PCDHGA8: variants seen among roughly 807,000 people sequenced by gnomAD.
PCDHGA8 encodes the protein protocadherin gamma-A8.
A neutral mutation model predicts 59.2 loss-of-function variants in PCDHGA8; 45 were observed. That is an observed-to-expected ratio of 0.76 (90% CI 0.60 to 0.98). PCDHGA8 has a LOEUF of 0.98. PCDHGA8 is among the 50% of genes least tolerant of loss of function. The probability of loss-of-function intolerance (pLI) is 0.00; values close to 1 mark genes in which losing one functional copy is unlikely to be tolerated. For missense variants in PCDHGA8, 1,257 were observed against 1,196.2 expected (o/e 1.05, Z -0.75); for synonymous variants, 531 against 519.0 (o/e 1.02, Z -0.32).
At position 141,505,479 on chromosome 5, in the gene PCDHGA8, G is replaced by A; in HGVS notation, c.2570G>A (p.Ser857Asn). 1 of 1,614,228 alleles carries A rather than the reference G, an allele frequency of 6.2e-7. No homozygotes were observed. The highest frequency in any genetic ancestry group is 8.5e-7 in the Non-Finnish European group (1 of 1,180,018). Residue 857 changes from serine to asparagine, a missense_variant and splice_region_variant, in exon 3 of 4, where the codon AGT (serine) becomes AAT (asparagine). Ser to Asn is a conservative substitution (Grantham distance 46, BLOSUM62 1). Coordinates refer to ENST00000398604, the MANE Select transcript of PCDHGA8 (RefSeq NM_032088.2). Reference sequence around the variant, plus strand: ...CAAGCCATGATCTTGGCGTCCGCCAGTGGTAAGTGGTGTCAGTGTGTGTAT... The same window carrying A: ...CAAGCCATGATCTTGGCGTCCGCCAATGGTAAGTGGTGTCAGTGTGTGTAT... Reference protein sequence around the residue: ...MLQAMILASASEAADGSSTLG... With the variant: ...MLQAMILASANEAADGSSTLG...
intron 1 of PCDHGA8, chr5:141,415,543 G>A (rs1561758242): frequency 6.2e-7 from 1 of 1,614,130 alleles, no homozygotes; most frequent in East Asian, 2.2e-5. Context: ...GGAGAGCTGT[G>A]AGAAAAACGA....
intron 1 of PCDHGA8, among the ~76,000 whole-genome samples, chr5:141,401,424 T>G (rs1408860840): frequency 6.6e-6 from 1 of 152,170 alleles, no homozygotes; most frequent in Non-Finnish European, 1.5e-5. Flanking sequence ...AGAGACTGAT[T>G]CACTGAACTT....
At chr5:141,406,544 T>A (rs1254762260) in intron 1 of PCDHGA8, among the ~76,000 whole-genome samples, 1 of 152,222 alleles carries the variant, frequency 6.6e-6, no homozygotes, top group Non-Finnish European at 1.5e-5. Context: ...AGATTCAAAC[T>A]TCAGTTATCC....
chr5:141,509,825 C>A (rs1057042581), intron 3 of PCDHGA8, among the ~76,000 whole-genome samples: 18 of 152,222 alleles, frequency 1.2e-4, no homozygotes, highest in African/African-American at 1.2e-4. Context: ...TCTCCATCTT[C>A]TCTCTACCTC....
chr5:141,443,317 C>CAAA (rs35054295), intron 1 of PCDHGA8, among the ~76,000 whole-genome samples: 8 of 142,020 alleles, frequency 5.6e-5, no homozygotes, highest in African/African-American at 2.1e-4. Context: ...CCCATCTCTA[C>CAAA]AAAAAAAAAA....
chr5:141,420,337 A>G, intron 1 of PCDHGA8: 8 of 1,402,708 alleles, frequency 5.7e-6, no homozygotes, highest in Non-Finnish European at 7.6e-6. Flanking sequence ...ATTCCAATAT[A>G]GTGGTATTAT....
intron 1 of PCDHGA8, chr5:141,433,208 C>CT (rs745329085): frequency 0.022 from 27,155 of 1,216,152 alleles, no homozygotes; most frequent in Non-Finnish European, 0.026. Flanking sequence ...AATCTTCTTT[C>CT]TTTTTTTTTT....
At chr5:141,418,328 G>A (rs1298044571) in intron 1 of PCDHGA8, 1 of 1,614,002 alleles carries the variant, frequency 6.2e-7, no homozygotes, top group Non-Finnish European at 8.5e-7. Flanking sequence ...TCTTGAGTCT[G>A]CAGAAGATCC....
At chr5:141,494,075 C>T (rs1482844644) in intron 1 of PCDHGA8, among the ~76,000 whole-genome samples, 7 of 152,322 alleles carry the variant, frequency 4.6e-5, no homozygotes, top group East Asian at 1.9e-4. Context: ...GATCCCTCCC[C>T]GCTGCATCCC....
chr5:141,476,421 C>G lies in PCDHGA8; in HGVS notation c.2425-18386C>G. 1 of 1,614,026 alleles carries G rather than the reference C, an allele frequency of 6.2e-7. No homozygotes were observed. Among genetic ancestry groups the G allele is most frequent in the South Asian group, 1.1e-5 (1 of 91,066 alleles). On this transcript the variant is annotated intron_variant, in intron 1 of 3. Transcript: ENST00000398604. The surrounding 1 kb of genome is among the most constrained non-coding windows in gnomAD (Gnocchi z 7.6). ...CGAGAGGAGCTGTGTGGGACACTGC[C>G]CTCTTGCACTGTAACTCTGGAGTTG...
rs1305419943 is a variant in PCDHGA8, at chr5:141,438,625, T to C, written c.2424+43388T>C. Among the ~76,000 whole-genome samples the C allele has an allele frequency of 9.7e-4, 45 of 46,410 alleles. 2 individuals are homozygous for C. Among genetic ancestry groups the C allele is most frequent in the Admixed American group, 2.2e-3 (7 of 3,192 alleles). The allele number at this position is 46,410 out of a possible 152,430, so 30.4% of individuals were successfully genotyped here. On this transcript the variant is annotated intron_variant, in intron 1 of 3. Coordinates refer to ENST00000398604, the MANE Select transcript of PCDHGA8 (RefSeq NM_032088.2). The stretch of plus-strand genomic sequence containing the variant: ...ATATATATATATATATATATATATA[T>C]ATATATATATACACACACACACACA...
chr5:141,410,569 T>C (rs908906606), intron 1 of PCDHGA8: 1 of 1,612,242 alleles, frequency 6.2e-7, no homozygotes, highest in African/African-American at 1.3e-5. Context: ...GAGCCTTAAT[T>C]CCACCTCATG....
In PCDHGA8 at chr5:141,493,269, C is replaced by T. The variant is rs142898207; in HGVS notation, c.2425-1538C>T. ...ACATGCCTCTCTTATAACAGCTTCA[C>T]AGAGGTCAAGTGACTTGCTCAAGTT... is the stretch of plus-strand genomic sequence containing the variant. On this transcript the variant is annotated intron_variant, in intron 1 of 3. Coordinates refer to ENST00000398604, the MANE Select transcript of PCDHGA8 (RefSeq NM_032088.2). This position sits in a 1 kb window ranked among gnomAD's most constrained non-coding sequence, Gnocchi z 4.3. Among the ~76,000 whole-genome samples the T allele has an allele frequency of 1.3e-5, 2 of 152,322 alleles. No individual in the cohort carries two copies. The highest frequency in any genetic ancestry group is 4.8e-5 in the African/African-American group (2 of 41,570).
Position 141,491,944 on chromosome 5 carries a change from C to A in PCDHGA8, c.2425-2863C>A. On this transcript the variant is annotated intron_variant, in intron 1 of 3. Transcript: ENST00000398604. This position sits in a 1 kb window ranked among gnomAD's most constrained non-coding sequence, Gnocchi z 6.9. ...CGAGGGGAGGTGGGACCGACCCCCA[C>A]CCCTACACTCAAAAAAGGCCGGGGC... 2 of 1,120,270 alleles carry A rather than the reference C, an allele frequency of 1.8e-6. No individual in the cohort carries two copies. Among genetic ancestry groups the A allele is most frequent in the Non-Finnish European group, 2.4e-6 (2 of 822,060 alleles). The allele number at this position is 1,120,270 out of a possible 1,614,324, so 69.4% of individuals were successfully genotyped here.
In PCDHGA8 at chr5:141,505,496, T is replaced by C; in HGVS notation, c.2572+15T>C. 6.2e-7 allele frequency: 1 copy of C among 1,614,148 alleles called. No homozygotes were observed. The highest frequency in any genetic ancestry group is 8.5e-7 in the Non-Finnish European group (1 of 1,180,004). ...GTCCGCCAGTGGTAAGTGGTGTCAGTGTGTGTATGGAAGAGTGGGAGACCT... is the reference window on the plus strand; with the variant it reads ...GTCCGCCAGTGGTAAGTGGTGTCAGCGTGTGTATGGAAGAGTGGGAGACCT... On this transcript the variant is annotated intron_variant, in intron 3 of 3. Transcript: ENST00000398604.
chr5:141,418,273 A>C, intron 1 of PCDHGA8: 1 of 1,614,082 alleles, frequency 6.2e-7, no homozygotes, highest in South Asian at 1.1e-5. Context: ...AAGATGAAAT[A>C]AACTTAGAAA....
intron 1 of PCDHGA8, chr5:141,426,765 G>A (rs1343961009): frequency 1.8e-5 from 8 of 456,530 alleles, no homozygotes; most frequent in Non-Finnish European, 3.5e-5. Flanking sequence ...AGATGCAGAT[G>A]TAGGGCCTCA....
rs201895231 is a variant in PCDHGA8 at position 141,392,844 on chromosome 5, G to A, written c.31G>A (p.Gly11Ser). Residue 11 changes from glycine (G) to serine (S), a missense_variant, in exon 1 of 4, where the codon GGC (glycine) becomes AGC (serine). By Grantham distance (56) the Gly-to-Ser change is moderately conservative. Coordinates refer to ENST00000398604, the MANE Select transcript of PCDHGA8 (RefSeq NM_032088.2). MAAPQSRPRR[G>S]ELILLCALLG... is the part of the protein sequence containing the mutation. ...CGCTCCACAGAGTCGCCCCAGACGC[G>A]GCGAGCTGATCCTGCTGTGCGCGCT... The A allele has an allele frequency of 1.3e-5, 21 of 1,609,468 alleles. 1 individual carries two copies. The East Asian group carries it at 1.6e-4, about 12-fold the overall frequency.
intron 1 of PCDHGA8, chr5:141,421,422 C>T (rs908483513): frequency 6.2e-7 from 1 of 1,614,086 alleles, no homozygotes; most frequent in Non-Finnish European, 8.5e-7. Flanking sequence ...AGCGCGGAGT[C>T]CGCATCGTCT....
Sources: gnomAD v4.1 joint callset for allele counts (sites outside exome capture counted in the v4.1 genomes callset) on GRCh38, gnomAD v4.1.1 for gene constraint, Gnocchi (gnomAD v3.1) non-coding constraint, MANE v1.5 for transcripts, NCBI Gene and HGNC (gene_info 2026-07-23, HGNC 2026-07-21) for gene names.